ATP10B: variants seen among roughly 807,000 people sequenced by gnomAD.
ATP10B encodes the protein ATPase phospholipid transporting 10B (putative), also known as phospholipid-transporting ATPase VB.
ATP10B carries 122 observed loss-of-function variants against 141.2 expected under a neutral mutation model. The observed-to-expected ratio is 0.86, with a 90% CI of 0.75 to 1.00. The LOEUF is 1.00. Among genes scored for constraint, ATP10B ranks in the 50% least tolerant of loss-of-function variants. The pLI is 0.00. For synonymous variants in ATP10B, 685 were observed against 692.0 expected (o/e 0.99, Z 0.16); for missense variants, 1,876 against 1,825.3 (o/e 1.03, Z -0.51).
chr5:160,824,339 T>C (rs1358889728), intron 1 of ATP10B, among the ~76,000 whole-genome samples: 2 of 150,358 alleles, frequency 1.3e-5, no homozygotes, highest in Non-Finnish European at 2.9e-5. Flanking sequence ...TTTTATAAAA[T>C]TGTTGTTCCA....
chr5:160,637,347 A>G (rs1224202736), intron 10 of ATP10B, among the ~76,000 whole-genome samples: 4 of 152,150 alleles, frequency 2.6e-5, no homozygotes, highest in Non-Finnish European at 5.9e-5. Flanking sequence ...CCATTCATCC[A>G]TCCATCCATC....
intron 1 of ATP10B, among the ~76,000 whole-genome samples, chr5:160,811,476 G>A (rs1378697583): frequency 2.6e-5 from 4 of 152,020 alleles, no homozygotes; most frequent in Non-Finnish European, 5.9e-5. Context: ...CCCAGACCAG[G>A]CAGCATTCAT....
chr5:160,740,666 G>C (rs1767404589), intron 2 of ATP10B, among the ~76,000 whole-genome samples: 1 of 152,178 alleles, frequency 6.6e-6, no homozygotes, highest in African/African-American at 2.4e-5. Flanking sequence ...GCAATGGCCT[G>C]TGGTCTCAAC....
the ATP10B span, among the ~76,000 whole-genome samples, chr5:160,900,951 GTTCT>G: frequency 3.5e-5 from 4 of 113,552 alleles, no homozygotes; most frequent in African/African-American, 9.9e-5. Flanking sequence ...TATAATCTCG[GTTCT>G]TTCTGACTAG....
At chr5:160,694,761 A>G (rs1346110362) in intron 3 of ATP10B, among the ~76,000 whole-genome samples, 2 of 152,246 alleles carry the variant, frequency 1.3e-5, no homozygotes, top group Non-Finnish European at 2.9e-5. Flanking sequence ...ATACCAGGTG[A>G]GTAAAACCTA....
intron 2 of ATP10B, among the ~76,000 whole-genome samples, chr5:160,781,775 C>A (rs149346961): frequency 2.0e-4 from 30 of 152,192 alleles, no homozygotes; most frequent in Middle Eastern, 6.8e-3. Context: ...AGCAACCTAT[C>A]TTGTTTAAAA....
intron 16 of ATP10B, among the ~76,000 whole-genome samples, chr5:160,616,484 T>C (rs1454643009): frequency 4.6e-5 from 7 of 152,236 alleles, no homozygotes; most frequent in Non-Finnish European, 8.8e-5. Flanking sequence ...TTCCTTCTGT[T>C]CCTTGAATGA....
At chr5:160,813,049 A>C (rs527458396) in intron 1 of ATP10B, among the ~76,000 whole-genome samples, 2 of 152,380 alleles carry the variant, frequency 1.3e-5, no homozygotes, top group South Asian at 4.1e-4. Flanking sequence ...TACAGCTCCC[A>C]GTGTGAGTGA....
intron 1 of ATP10B, among the ~76,000 whole-genome samples, chr5:160,816,373 C>T (rs1000597254): frequency 2.0e-5 from 3 of 151,984 alleles, no homozygotes; most frequent in African/African-American, 7.2e-5. Flanking sequence ...ACTAGAAACA[C>T]CCCTATGCAA....
chr5:160,617,967 T>C lies in ATP10B; in HGVS notation c.2423A>G (p.Asp808Gly). The C allele has an allele frequency of 6.2e-7, 1 of 1,613,710 alleles. No homozygotes were observed. The highest frequency in any genetic ancestry group is 1.1e-5 in the South Asian group (1 of 91,082). Residue 808 changes from aspartate to glycine, a missense_variant, in exon 16 of 26, where the codon GAC becomes GGC. Coordinates refer to ENST00000327245, the MANE Select transcript of ATP10B (RefSeq NM_025153.3). ...DLLEDPACVP[D>G]INMEKKLRKI... is the part of the protein sequence containing the mutation. ...TCTCAGCTTCTTTTCCATATTAATG[T>C]CAGGTACTGTCAAATAGCCATTTTC...
intron 1 of ATP10B, among the ~76,000 whole-genome samples, chr5:160,838,347 T>C (rs929084389): frequency 6.6e-6 from 1 of 152,186 alleles, no homozygotes; most frequent in African/African-American, 2.4e-5. Context: ...AATTGTGATG[T>C]GGAAAGAATC....
the ATP10B span, among the ~76,000 whole-genome samples, chr5:160,900,470 A>G: frequency 2.0e-5 from 3 of 152,154 alleles, no homozygotes; most frequent in African/African-American, 7.2e-5. Context: ...CAGAGATAGG[A>G]TTGAACCTCC....
chr5:160,567,825 C>A (rs1047283225), intron 25 of ATP10B, among the ~76,000 whole-genome samples: 29 of 152,096 alleles, frequency 1.9e-4, no homozygotes, highest in African/African-American at 7.0e-4. Flanking sequence ...TGACATCACA[C>A]TTTGAGCCAA....
intron 22 of ATP10B, among the ~76,000 whole-genome samples, chr5:160,591,998 G>A (rs543314917): frequency 2.0e-5 from 3 of 152,230 alleles, no homozygotes; most frequent in Admixed American, 2.0e-4. Context: ...ACACTCTCTG[G>A]CATTGCAAAG....
Position 160,620,330 on chromosome 5 carries a change from G to A in ATP10B, c.2416+17C>T. On this transcript the variant is annotated intron_variant, in intron 15 of 25. Transcript: ENST00000327245. The stretch of plus-strand genomic sequence containing the variant: ...TAGAACTCTCTGTGCCTGGAACCCT[G>A]GTAAGGCAGGACTCACCGCAGGCTG... The A allele has an allele frequency of 6.3e-7, 1 of 1,590,234 alleles. No homozygotes were observed. The highest frequency in any genetic ancestry group is 8.6e-7 in the Non-Finnish European group (1 of 1,167,202).
chr5:160,815,274 A>G (rs1207666085), intron 1 of ATP10B, among the ~76,000 whole-genome samples: 2 of 152,210 alleles, frequency 1.3e-5, no homozygotes, highest in Admixed American at 6.5e-5. Flanking sequence ...TAGGCTCAAA[A>G]TAAAGGGATG....
chr5:160,818,612 C>G (rs1453726856), intron 1 of ATP10B, among the ~76,000 whole-genome samples: 1 of 152,190 alleles, frequency 6.6e-6, no homozygotes, highest in Non-Finnish European at 1.5e-5. Context: ...GGTTCTAGAA[C>G]TAGAAATACC....
At chr5:160,699,947 A>C (rs1199323599) in intron 3 of ATP10B, among the ~76,000 whole-genome samples, 3 of 152,156 alleles carry the variant, frequency 2.0e-5, no homozygotes, top group Admixed American at 2.0e-4. Flanking sequence ...TTGTTAGTGA[A>C]ACTTCACAAA....
intron 1 of ATP10B, among the ~76,000 whole-genome samples, chr5:160,823,595 G>A (rs1400824261): frequency 6.6e-6 from 1 of 152,134 alleles, no homozygotes; most frequent in Non-Finnish European, 1.5e-5. Flanking sequence ...TGTGGCCTAC[G>A]CCTGTAATCC....
Sources: allele counts gnomAD v4.1 joint callset (sites outside exome capture counted in the v4.1 genomes callset), GRCh38; gene constraint gnomAD v4.1.1; transcripts MANE v1.5; gene names NCBI Gene and HGNC (gene_info 2026-07-23, HGNC 2026-07-21).